Variants in EPB41L4A observed in about 807,000 individuals in gnomAD.
EPB41L4A encodes the protein erythrocyte membrane protein band 4.1 like 4A.
In EPB41L4A, 100 loss-of-function variants were observed where a neutral mutation model predicts 108.6. The observed-to-expected ratio is 0.92, with a 90% CI of 0.78 to 1.09. The LOEUF is 1.09. Ranked by LOEUF, EPB41L4A falls within the 50% of genes least tolerant of loss-of-function variation. EPB41L4A has a pLI of 0.00. For synonymous variants in EPB41L4A, 319 were observed against 289.0 expected (o/e 1.10, Z -1.05); for missense variants, 1,030 against 842.7 (o/e 1.22, Z -2.75).
chr5:112,405,323 G>C (rs1762017493), intron 1 of EPB41L4A, among the ~76,000 whole-genome samples: 1 of 152,190 alleles, frequency 6.6e-6, no homozygotes, highest in Non-Finnish European at 1.5e-5. Context: ...GCCACAACTT[G>C]AGTGCAACCT....
intron 12 of EPB41L4A, among the ~76,000 whole-genome samples, chr5:112,226,641 G>T (rs1263863811): frequency 6.6e-6 from 1 of 152,048 alleles, no homozygotes; most frequent in African/African-American, 2.4e-5. Flanking sequence ...CAAGAGGGCT[G>T]GAGAGCAGTG....
intron 12 of EPB41L4A, among the ~76,000 whole-genome samples, chr5:112,224,946 T>G (rs967924161): frequency 1.3e-5 from 2 of 152,238 alleles, no homozygotes; most frequent in African/African-American, 2.4e-5. Context: ...CTAACCCTTT[T>G]GTATGAAAAT....
At chr5:112,394,038 AG>A (rs1761153963) in intron 1 of EPB41L4A, among the ~76,000 whole-genome samples, 2 of 152,368 alleles carry the variant, frequency 1.3e-5, no homozygotes, top group Admixed American at 6.5e-5. Context: ...AAAATTCAAC[AG>A]CCCTTCATGC....
chr5:112,418,705 G>A (rs1762869078), intron 1 of EPB41L4A, among the ~76,000 whole-genome samples: 1 of 152,046 alleles, frequency 6.6e-6, no homozygotes. Context: ...GCTGGGAGCC[G>A]GTGTGCTGAG....
intron 12 of EPB41L4A, among the ~76,000 whole-genome samples, chr5:112,233,009 A>T (rs142271787): frequency 2.0e-3 from 298 of 152,330 alleles, no homozygotes; most frequent in African/African-American, 7.0e-3. Flanking sequence ...AAGCTGCTTG[A>T]TTAGGTGGTT....
chr5:112,328,496 G>C (rs1394137674), intron 1 of EPB41L4A, among the ~76,000 whole-genome samples: 2 of 152,012 alleles, frequency 1.3e-5, no homozygotes, highest in African/African-American at 4.8e-5. Context: ...AAGTGATTTG[G>C]GATATTGCTA....
At chr5:112,206,981 A>C (rs999356722) in intron 13 of EPB41L4A, 1 of 152,242 alleles carries the variant, frequency 6.6e-6, no homozygotes, top group African/African-American at 2.4e-5. Context: ...AAACAGCCAA[A>C]GCAATTCTAA....
intron 17 of EPB41L4A, among the ~76,000 whole-genome samples, chr5:112,184,840 AT>A (rs919217858): frequency 3.9e-5 from 6 of 152,104 alleles, no homozygotes; most frequent in African/African-American, 1.4e-4. Context: ...AAATCCTCTC[AT>A]TTTTTTAAAA....
At chr5:112,154,439 A>T (rs1026383204) in intron 12 of EPB41L4A, among the ~76,000 whole-genome samples, 1 of 152,244 alleles carries the variant, frequency 6.6e-6, no homozygotes, top group African/African-American at 2.4e-5. Flanking sequence ...GATATTTAAC[A>T]TTCAATAATT....
chr5:112,178,075 T>C (rs995945891), intron 18 of EPB41L4A, among the ~76,000 whole-genome samples: 5 of 151,056 alleles, frequency 3.3e-5, no homozygotes, highest in African/African-American at 7.3e-5. Flanking sequence ...AACTGTACAC[T>C]GTTTACAAGA....
chr5:112,255,952 C>T (rs1751057609), intron 9 of EPB41L4A, among the ~76,000 whole-genome samples: 1 of 152,120 alleles, frequency 6.6e-6, no homozygotes, highest in Non-Finnish European at 1.5e-5. Flanking sequence ...ATACCTCCTG[C>T]TTCTCAGGCC....
chr5:112,302,159 T>A (rs2081958788), intron 2 of EPB41L4A, among the ~76,000 whole-genome samples: 1 of 152,090 alleles, frequency 6.6e-6, no homozygotes, highest in Non-Finnish European at 1.5e-5. Flanking sequence ...CTACTAAAAC[T>A]TACAAAATTT....
intron 1 of EPB41L4A, among the ~76,000 whole-genome samples, chr5:112,358,300 C>G (rs1046751568): frequency 3.3e-5 from 5 of 152,164 alleles, no homozygotes; most frequent in Non-Finnish European, 5.9e-5. Context: ...CTCTCTTACT[C>G]CATGTTTTTC....
At chr5:112,233,454 TTTTA>T (rs1241542007) in intron 12 of EPB41L4A, among the ~76,000 whole-genome samples, 2 of 152,240 alleles carry the variant, frequency 1.3e-5, no homozygotes, top group African/African-American at 4.8e-5. Flanking sequence ...AGTATGGATA[TTTTA>T]TTTATATACT....
In EPB41L4A at chr5:112,202,106, GAA is replaced by G. The variant is rs1401636355; in HGVS notation, c.1376+2267_1376+2268del. Among the ~76,000 whole-genome samples the G allele has an allele frequency of 3.3e-5, 5 of 152,296 alleles. No homozygotes were observed. The East Asian group carries it at 7.7e-4, about 23-fold the overall frequency. ...AGTTAGATCTGAAGGCAGAGAACAG[GAA>G]AAGTTATTTTCCTTCTAGTTGTACC... On this transcript the variant is annotated intron_variant, in intron 15 of 22. Transcript: ENST00000261486.
intron 7 of EPB41L4A, among the ~76,000 whole-genome samples, chr5:112,260,984 A>AACATTATACATTAT (rs1751447951): frequency 6.6e-6 from 1 of 152,206 alleles, no homozygotes; most frequent in South Asian, 2.1e-4. Flanking sequence ...AATTAGGATA[A>AACATTATACATTAT]ACATTATACA....
chr5:112,186,398 T>G (rs1418275383), intron 17 of EPB41L4A, among the ~76,000 whole-genome samples: 1 of 152,186 alleles, frequency 6.6e-6, no homozygotes, highest in African/African-American at 2.4e-5. Flanking sequence ...GATAAAAAAT[T>G]AAAACTCCTG....
chr5:112,268,985 G>T (rs538352350), intron 4 of EPB41L4A, among the ~76,000 whole-genome samples: 4 of 151,522 alleles, frequency 2.6e-5, no homozygotes, highest in African/African-American at 9.7e-5. Flanking sequence ...ATATGTATTA[G>T]AAAACAAAGA....
chr5:112,273,288 G>T (rs991736609), intron 4 of EPB41L4A, among the ~76,000 whole-genome samples: 1 of 152,098 alleles, frequency 6.6e-6, no homozygotes, highest in Non-Finnish European at 1.5e-5. Context: ...ACACAAGCTG[G>T]TCTAAAACTT....
Sources: allele counts gnomAD v4.1 joint callset (sites outside exome capture counted in the v4.1 genomes callset), GRCh38; gene constraint gnomAD v4.1.1; transcripts MANE v1.5; gene names NCBI Gene and HGNC (gene_info 2026-07-23, HGNC 2026-07-21).